Variants in SNTG2 observed in about 807,000 individuals in gnomAD.
SNTG2 encodes gamma-2-syntrophin.
SNTG2 carries 74 observed loss-of-function variants against 70.9 expected under a neutral mutation model. That is an observed-to-expected ratio of 1.04 (90% CI 0.86 to 1.27). SNTG2 has a LOEUF of 1.27. SNTG2 is among the 50% of genes most tolerant of loss of function. The pLI is 0.00. For synonymous variants in SNTG2, 278 were observed against 273.8 expected (o/e 1.02, Z -0.15); for missense variants, 717 against 690.7 (o/e 1.04, Z -0.43).
At chr2:1,208,218 C>CACCTGTGAGCGT (rs1558531716) in intron 8 of SNTG2, among the ~76,000 whole-genome samples, 5 of 147,442 alleles carry the variant, frequency 3.4e-5, no homozygotes, top group African/African-American at 1.3e-4. Context: ...CCTGTGAGCG[C>CACCTGTGAGCGT]GGGTTACACC....
At chr2:1,272,587 G>A (rs116083881) in intron 14 of SNTG2, among the ~76,000 whole-genome samples, 1,994 of 151,446 alleles carry the variant, frequency 0.013, 47 homozygotes, top group African/African-American at 0.046. Context: ...GGATATCCCA[G>A]GGAGCAGGTG....
intron 14 of SNTG2, among the ~76,000 whole-genome samples, chr2:1,270,686 A>T (rs138667271): frequency 6.6e-6 from 1 of 152,196 alleles, no homozygotes; most frequent in Non-Finnish European, 1.5e-5. Context: ...GCATACTTCA[A>T]ACTCTCCGTA....
chr2:1,311,061 T>A (rs959559981), intron 15 of SNTG2, among the ~76,000 whole-genome samples: 1 of 152,172 alleles, frequency 6.6e-6, no homozygotes, highest in African/African-American at 2.4e-5. Flanking sequence ...ATGCCGGCGG[T>A]CCGGGGGCAT....
chr2:1,329,553 C>CCTGT (rs976543761), intron 16 of SNTG2, among the ~76,000 whole-genome samples: 128 of 152,264 alleles, frequency 8.4e-4, no homozygotes, highest in African/African-American at 3.0e-3. Flanking sequence ...TTCTCAGCTG[C>CCTGT]CTGTCTACGC....
At chr2:1,075,957 A>G (rs1388288003) in intron 1 of SNTG2, among the ~76,000 whole-genome samples, 1 of 152,212 alleles carries the variant, frequency 6.6e-6, no homozygotes, top group Admixed American at 6.5e-5. Context: ...TTTACAGATC[A>G]GGAAGCAGAG....
chr2:974,014 G>A (rs541002018), intron 1 of SNTG2, among the ~76,000 whole-genome samples: 1 of 152,122 alleles, frequency 6.6e-6, no homozygotes, highest in Non-Finnish European at 1.5e-5. Flanking sequence ...TGTTATCCCT[G>A]GGCCTGTCTC....
intron 13 of SNTG2, among the ~76,000 whole-genome samples, chr2:1,264,896 C>G (rs968919837): frequency 1.3e-5 from 2 of 152,124 alleles, no homozygotes; most frequent in East Asian, 3.9e-4. Context: ...GTATATTATA[C>G]GTATAACATA....
At chr2:1,305,413 G>A (rs944422653) in intron 14 of SNTG2, among the ~76,000 whole-genome samples, 2 of 152,202 alleles carry the variant, frequency 1.3e-5, no homozygotes, top group Non-Finnish European at 1.5e-5. Flanking sequence ...GACTCCCTCC[G>A]ATGTGGGAAG....
intron 4 of SNTG2, among the ~76,000 whole-genome samples, chr2:1,114,814 C>T (rs971477341): frequency 1.3e-5 from 2 of 151,992 alleles, no homozygotes; most frequent in Non-Finnish European, 2.9e-5. Context: ...CCTTATAGTC[C>T]TTTGAGGAGG....
intron 13 of SNTG2, among the ~76,000 whole-genome samples, chr2:1,260,582 T>A (rs9798321): frequency 0.093 from 14,138 of 152,266 alleles, 718 homozygotes; most frequent in South Asian, 0.15. Context: ...GAAAATAGAA[T>A]AAAACATTAA....
chr2:1,239,652 G>T, intron 10 of SNTG2, 86 bp from the exon 11 acceptor site: 2 of 1,409,568 alleles, frequency 1.4e-6, no homozygotes, highest in South Asian at 1.2e-5. Context: ...AGGACAGAGC[G>T]TGGCTGATGA....
intron 4 of SNTG2, 116 bp from the exon 5 acceptor site, chr2:1,137,502 GCACA>G (rs35182823): frequency 1.3e-5 from 11 of 845,596 alleles, no homozygotes; most frequent in African/African-American, 6.8e-5. Flanking sequence ...GTGGACACAT[GCACA>G]CACACACACA....
At chr2:1,351,450 C>T (rs557337404) in intron 16 of SNTG2, among the ~76,000 whole-genome samples, 6 of 152,162 alleles carry the variant, frequency 3.9e-5, no homozygotes, top group Non-Finnish European at 8.8e-5. Flanking sequence ...AGGAAAGTAT[C>T]CCAGGAGGTA....
At chr2:1,160,372 A>G (rs1290944733) in intron 6 of SNTG2, 1 of 152,196 alleles carries the variant, frequency 6.6e-6, no homozygotes, top group Non-Finnish European at 1.5e-5. Flanking sequence ...TTGATTGCAT[A>G]TGTTGTATTA....
At chr2:1,319,729 T>G (rs1341499750) in intron 16 of SNTG2, among the ~76,000 whole-genome samples, 1 of 152,248 alleles carries the variant, frequency 6.6e-6, no homozygotes, top group Non-Finnish European at 1.5e-5. Flanking sequence ...TGTGGATAAC[T>G]GCAAACACTT....
At chr2:1,222,235 G>T (rs778144448) in intron 9 of SNTG2, among the ~76,000 whole-genome samples, 2 of 151,344 alleles carry the variant, frequency 1.3e-5, no homozygotes, top group Admixed American at 6.6e-5. Context: ...AGGATTATTC[G>T]TTTTTTTTCA....
At chr2:1,331,205 T>C (rs950973939) in intron 16 of SNTG2, among the ~76,000 whole-genome samples, 2 of 152,246 alleles carry the variant, frequency 1.3e-5, no homozygotes, top group Admixed American at 6.5e-5. Context: ...TGGACTCTTC[T>C]CTTCAGGGCA....
chr2:1,015,834 G>A (rs899024776), intron 1 of SNTG2, among the ~76,000 whole-genome samples: 6 of 152,098 alleles, frequency 3.9e-5, no homozygotes, highest in Non-Finnish European at 7.4e-5. Flanking sequence ...AAATTCCTTC[G>A]CTCCCAGCAG....
At chr2:1,315,346 G>T (rs912159610) in intron 15 of SNTG2, among the ~76,000 whole-genome samples, 2 of 152,210 alleles carry the variant, frequency 1.3e-5, no homozygotes, top group African/African-American at 4.8e-5. Flanking sequence ...TCAATGGTCA[G>T]ATGGGATAGA....
Sources: gnomAD v4.1 joint callset for allele counts (sites outside exome capture counted in the v4.1 genomes callset) on GRCh38, gnomAD v4.1.1 for gene constraint, MANE v1.5 for transcripts, NCBI Gene and HGNC (gene_info 2026-07-23, HGNC 2026-07-21) for gene names.